Variants in LANCL1 observed in about 807,000 individuals in gnomAD.
The protein encoded by LANCL1 is LanC like glutathione S-transferase 1.
A neutral mutation model predicts 50.6 loss-of-function variants in LANCL1; 50 were observed. The observed-to-expected ratio is 0.99, with a 90% CI of 0.79 to 1.25. The LOEUF is 1.25. Among genes scored for constraint, LANCL1 ranks in the 50% most tolerant of loss-of-function variants. The probability of loss-of-function intolerance (pLI) is 0.00; values close to 1 mark genes in which losing one functional copy is unlikely to be tolerated. For missense variants in LANCL1, 532 were observed against 480.7 expected, an observed-to-expected ratio of 1.11 and a Z score of -1.00; for synonymous variants, 188 against 178.6, an observed-to-expected ratio of 1.05 and a Z score of -0.42.
intron 2 of LANCL1, among the ~76,000 whole-genome samples, chr2:210,475,601 G>A (rs1420304617): frequency 6.6e-6 from 1 of 152,076 alleles, no homozygotes; most frequent in Non-Finnish European, 1.5e-5. Flanking sequence ...CCAAAGTGTC[G>A]GGATTAATGG....
Position 210,436,309 on chromosome 2 carries a change from A to C in LANCL1, c.957T>G (p.Tyr319Ter). ...IWQYGLLKKG[Y>*]GLCHGSAGNA... ...TCCCTGCAGAACCGTGGCACAGCCC[A>C]TATCCCTTCTTCAGCAACCCATATT... The change falls in exon 8 of 10, where the codon TAT becomes TAG. Residue 319 changes from tyrosine (Y) to a stop codon, truncating the protein, a stop_gained. Transcript: ENST00000450366. LOFTEE classifies it high-confidence loss of function. The C allele has an allele frequency of 1.2e-6, 2 of 1,614,118 alleles. No homozygotes were observed. Among genetic ancestry groups the C allele is most frequent in the Non-Finnish European group, 1.7e-6 (2 of 1,179,994 alleles).
rs763754624 is a variant in LANCL1 at position 210,476,410 on chromosome 2, A to G, written c.-14T>C. On this transcript the variant is annotated splice_region_variant and 5_prime_UTR_variant, in exon 2 of 10. Transcript: ENST00000450366. Reference sequence around the variant, plus strand: ...CCTTTGAGCCATGACGCCGGAAGCAAGCCTGCAGAACAGGGGAAAAACAGA... The same window carrying G: ...CCTTTGAGCCATGACGCCGGAAGCAGGCCTGCAGAACAGGGGAAAAACAGA... The G allele has an allele frequency of 1.4e-5, 22 of 1,613,304 alleles. No individual in the cohort carries two copies. The South Asian group carries it at 2.4e-4, about 18-fold the overall frequency.
chr2:210,472,795 G>GTAC (rs1559723907), intron 2 of LANCL1, among the ~76,000 whole-genome samples: 1 of 152,136 alleles, frequency 6.6e-6, no homozygotes, highest in African/African-American at 2.4e-5. Context: ...ATTTCAAAAG[G>GTAC]TACTTTGGGG....
intron 3 of LANCL1, among the ~76,000 whole-genome samples, chr2:210,457,734 GTCTATT>G (rs1693712992): frequency 6.6e-6 from 1 of 152,050 alleles, no homozygotes; most frequent in Non-Finnish European, 1.5e-5. Flanking sequence ...TCTAGTATCT[GTCTATT>G]TCTAATAATA....
In LANCL1 at chr2:210,476,734, G is replaced by C. The variant is rs1455903814; in HGVS notation, c.-131C>G. 2.8e-6 allele frequency: 3 copies of C among 1,088,930 alleles called. No homozygotes were observed. Among genetic ancestry groups the C allele is most frequent in the Middle Eastern group, 4.2e-4 (1 of 2,382 alleles). 67.5% of individuals were successfully genotyped at this position (1,088,930 alleles called of 1,614,324 possible). On this transcript the variant is annotated 5_prime_UTR_variant, in exon 1 of 10. Transcript: ENST00000450366. Reference sequence around the variant, plus strand: ...CCTGGCCTCTCACCCCGCAGCCCCGGACAGTAACAGAAGGGCTATTTTACC... The same window carrying C: ...CCTGGCCTCTCACCCCGCAGCCCCGCACAGTAACAGAAGGGCTATTTTACC...
chr2:210,434,426 A>G lies in LANCL1; in HGVS notation c.*61T>C. On this transcript the variant is annotated 3_prime_UTR_variant, in exon 10 of 10. Coordinates refer to ENST00000450366, the MANE Select transcript of LANCL1 (RefSeq NM_006055.3). ...TCCTTGGAAAGCAACGGAAGCACTT[A>G]GCTTGGGTTTGAATATACAGAAAGG... The G allele has an allele frequency of 1.5e-6, 2 of 1,291,722 alleles. No homozygotes were observed. Among genetic ancestry groups the G allele is most frequent in the Non-Finnish European group, 2.2e-6 (2 of 908,402 alleles). The allele number at this position is 1,291,722 out of a possible 1,614,324, so 80.0% of individuals were successfully genotyped here.
chr2:210,443,252 G>C (rs932060812), intron 4 of LANCL1, among the ~76,000 whole-genome samples: 16 of 152,114 alleles, frequency 1.1e-4, no homozygotes, highest in Admixed American at 7.2e-4. Context: ...TCCCTTTTTG[G>C]GGGGAGGGGA....
At chr2:210,449,294 A>T (rs1037382282) in intron 4 of LANCL1, among the ~76,000 whole-genome samples, 4 of 152,212 alleles carry the variant, frequency 2.6e-5, no homozygotes, top group African/African-American at 9.7e-5. Flanking sequence ...CTTCCACAAA[A>T]TTCAACAGCC....
chr2:210,467,299 G>A (rs1295524300), intron 3 of LANCL1, among the ~76,000 whole-genome samples: 1 of 152,098 alleles, frequency 6.6e-6, no homozygotes, highest in Non-Finnish European at 1.5e-5. Flanking sequence ...CAGAAATTAC[G>A]ATGTATTTTT....
intron 6 of LANCL1, among the ~76,000 whole-genome samples, chr2:210,438,220 C>T (rs1267843261): frequency 1.3e-5 from 2 of 151,126 alleles, no homozygotes; most frequent in Non-Finnish European, 3.0e-5. Context: ...CTGCAACCTC[C>T]ACCTCCCGGG....
chr2:210,450,028 T>C (rs1693464674), intron 4 of LANCL1, among the ~76,000 whole-genome samples: 1 of 152,210 alleles, frequency 6.6e-6, no homozygotes, highest in African/African-American at 2.4e-5. Flanking sequence ...AGAGCCTGCA[T>C]AGCCAAAAGA....
At chr2:210,439,492 G>T (rs1693051628) in intron 6 of LANCL1, among the ~76,000 whole-genome samples, 1 of 152,126 alleles carries the variant, frequency 6.6e-6, no homozygotes, top group South Asian at 2.1e-4. Context: ...CTTCTTTCCT[G>T]AAAGCTTTTA....
rs1175364331 is a variant in LANCL1 at position 210,470,455 on chromosome 2, G to T, written c.199+1504C>A. Among the ~76,000 whole-genome samples the T allele has an allele frequency of 2.0e-5, 3 of 152,068 alleles. 1 individual carries two copies. Among genetic ancestry groups the T allele is most frequent in the African/African-American group, 7.2e-5 (3 of 41,402 alleles). Reference sequence around the variant, plus strand: ...AAAAATAGAATCATGTGTCATTATTGGTTGAGTACCCGTTATCTGAAATCC... The same window carrying T: ...AAAAATAGAATCATGTGTCATTATTTGTTGAGTACCCGTTATCTGAAATCC... On this transcript the variant is annotated intron_variant, in intron 3 of 9. Transcript: ENST00000450366.
intron 4 of LANCL1, among the ~76,000 whole-genome samples, chr2:210,445,219 A>G (rs1181033148): frequency 1.3e-5 from 2 of 152,202 alleles, no homozygotes; most frequent in African/African-American, 2.4e-5. Context: ...GAATTACTGC[A>G]TTGATTCCAA....
chr2:210,434,630 T>C (rs2105880560), intron 9 of LANCL1, 67 bp from the exon 10 acceptor site: 12 of 1,271,648 alleles, frequency 9.4e-6, no homozygotes, highest in African/African-American at 2.9e-5. Flanking sequence ...TGGTTCTTTT[T>C]CCCCCATATC....
intron 4 of LANCL1, among the ~76,000 whole-genome samples, chr2:210,449,013 C>A (rs1378752805): frequency 6.6e-6 from 1 of 151,432 alleles, no homozygotes; most frequent in Non-Finnish European, 1.5e-5. Flanking sequence ...TATGAGGCAT[C>A]ATCCTGATAC....
At chr2:210,444,426 G>C (rs1305836463) in intron 4 of LANCL1, among the ~76,000 whole-genome samples, 5 of 152,188 alleles carry the variant, frequency 3.3e-5, no homozygotes, top group Admixed American at 3.3e-4. Flanking sequence ...AGAATGAGAT[G>C]ATTTTAGTGA....
chr2:210,464,882 CGT>C (rs1693992805), intron 3 of LANCL1, among the ~76,000 whole-genome samples: 1 of 147,510 alleles, frequency 6.8e-6, no homozygotes. Flanking sequence ...AGGAGAATGG[CGT>C]GAACCCGGGA....
At chr2:210,475,315 C>T (rs1469826398) in intron 2 of LANCL1, among the ~76,000 whole-genome samples, 1 of 152,076 alleles carries the variant, frequency 6.6e-6, no homozygotes, top group East Asian at 1.9e-4. Context: ...TCCAACTTAA[C>T]TCATTTTCAA....
Sources: allele counts gnomAD v4.1 joint callset (sites outside exome capture counted in the v4.1 genomes callset), GRCh38; gene constraint gnomAD v4.1.1; transcripts MANE v1.5; gene names NCBI Gene and HGNC (gene_info 2026-07-23, HGNC 2026-07-21).